The following CTNNBIP1 variants were observed in gnomAD, a reference collection of about 807,000 sequenced individuals.
CTNNBIP1 encodes beta-catenin-interacting protein 1.
A neutral mutation model predicts 11.8 loss-of-function variants in CTNNBIP1; 7 were observed. That is an observed-to-expected ratio of 0.60 (90% CI 0.34 to 1.12). The LOEUF (loss-of-function observed/expected upper bound fraction) is 1.12. CTNNBIP1 is among the 50% of genes most tolerant of loss of function. CTNNBIP1 has a pLI of 0.03. For missense variants in CTNNBIP1, 101 were observed against 113.4 expected, an observed-to-expected ratio of 0.89 and a Z score of 0.50; for synonymous variants, 58 against 43.9, an observed-to-expected ratio of 1.32 and a Z score of -1.26.
chr1:9,864,984 C>T (rs996275287), intron 5 of CTNNBIP1, among the ~76,000 whole-genome samples: 8 of 151,692 alleles, frequency 5.3e-5, no homozygotes, highest in Non-Finnish European at 1.0e-4. Flanking sequence ...ATCCCAGCAC[C>T]TTGGGAGGCC....
At chr1:9,886,769 C>T (rs998524053) in intron 1 of CTNNBIP1, among the ~76,000 whole-genome samples, 2 of 152,194 alleles carry the variant, frequency 1.3e-5, no homozygotes, top group African/African-American at 4.8e-5. Context: ...CCTGCCGCAG[C>T]TCCTGCTAGA....
intron 5 of CTNNBIP1, among the ~76,000 whole-genome samples, chr1:9,853,846 G>A (rs920057234): frequency 2.6e-5 from 4 of 152,178 alleles, no homozygotes; most frequent in Non-Finnish European, 5.9e-5. Flanking sequence ...TGAGAAAAGA[G>A]AACTACAGAT....
intron 5 of CTNNBIP1, among the ~76,000 whole-genome samples, chr1:9,860,864 C>T (rs1160077176): frequency 2.6e-5 from 4 of 152,144 alleles, no homozygotes; most frequent in Admixed American, 1.3e-4. Flanking sequence ...AAAAGTGGGG[C>T]GTGAAAATTC....
At chr1:9,857,907 A>T (rs1387483510) in intron 5 of CTNNBIP1, among the ~76,000 whole-genome samples, 1 of 152,184 alleles carries the variant, frequency 6.6e-6, no homozygotes, top group Admixed American at 6.5e-5. Context: ...CAGGTTGTGG[A>T]GCAATTGGAA....
rs1283146744 is a variant in CTNNBIP1, at chr1:9,849,830, C to G, written c.*888G>C. 7.2e-5 allele frequency: 11 copies of G among 152,226 alleles called. No homozygotes were observed. The highest frequency in any genetic ancestry group is 1.5e-4 in the Non-Finnish European group (10 of 68,076). The allele number at this position is 152,226 out of a possible 1,614,324, so 9.4% of individuals were successfully genotyped here. The stretch of plus-strand genomic sequence containing the variant: ...TCATGCAGGCAGTGCACATAAATCC[C>G]GCCTAACGGTTACCTCTAGGCCCTG... On this transcript the variant is annotated 3_prime_UTR_variant, in exon 6 of 6. Coordinates refer to ENST00000377263, the MANE Select transcript of CTNNBIP1 (RefSeq NM_020248.3).
chr1:9,882,269 G>A (rs1023667708), intron 2 of CTNNBIP1, among the ~76,000 whole-genome samples: 1 of 152,294 alleles, frequency 6.6e-6, no homozygotes, highest in South Asian at 2.1e-4. Flanking sequence ...TCTATTCTAC[G>A]GCAGGCATTG....
chr1:9,899,763 AAAAGAAAG>A (rs58501900), intron 1 of CTNNBIP1, among the ~76,000 whole-genome samples: 13 of 150,470 alleles, frequency 8.6e-5, no homozygotes, highest in East Asian at 3.9e-4. Flanking sequence ...GTCTCAAAAA[AAAAGAAAG>A]AAAGAAAGAA....
At chr1:9,876,841 TACATAC>T (rs1427555773) in intron 3 of CTNNBIP1, among the ~76,000 whole-genome samples, 42 of 97,388 alleles carry the variant, frequency 4.3e-4, no homozygotes, top group African/African-American at 1.9e-3. Context: ...ACTCCTGCTA[TACATAC>T]ACACACACAC....
At position 9,871,447 on chromosome 1, in the gene CTNNBIP1, C is replaced by T. The variant is rs142391529; in HGVS notation, c.97-170G>A. On this transcript the variant is annotated intron_variant, in intron 4 of 5. Coordinates refer to ENST00000377263, the MANE Select transcript of CTNNBIP1 (RefSeq NM_020248.3). The surrounding 1 kb of genome is among the most constrained non-coding windows in gnomAD (Gnocchi z 5.2). ...TTTCAGGGCCAGCCCACCCCACTCC[C>T]ACCCTCCTTAAACTTGGTCCAGGGG... Among the ~76,000 whole-genome samples, 3 of 152,176 alleles carry T rather than the reference C, an allele frequency of 2.0e-5. No individual in the cohort carries two copies. Among genetic ancestry groups the T allele is most frequent in the Middle Eastern group, 3.4e-3 (1 of 294 alleles).
At chr1:9,857,186 T>C (rs1638523007) in intron 5 of CTNNBIP1, among the ~76,000 whole-genome samples, 1 of 148,108 alleles carries the variant, frequency 6.8e-6, no homozygotes, top group African/African-American at 2.5e-5. Flanking sequence ...AACCCCAATT[T>C]AAAAAAATGG....
In CTNNBIP1 at chr1:9,871,528, G is replaced by A. The variant is rs747396767; in HGVS notation, c.97-251C>T. Among the ~76,000 whole-genome samples, 4 of 151,972 alleles carry A rather than the reference G, an allele frequency of 2.6e-5. No homozygotes were observed. Among genetic ancestry groups the A allele is most frequent in the East Asian group, 1.9e-4 (1 of 5,186 alleles). On this transcript the variant is annotated intron_variant, in intron 4 of 5. Transcript: ENST00000377263. The surrounding 1 kb of genome is among the most constrained non-coding windows in gnomAD (Gnocchi z 5.2). ...GAGATTAAGGTCTGTTCTAGTATAG[G>A]GCCAGTGGAAGACACAAGTCCTGCC... is the stretch of plus-strand genomic sequence containing the variant.
chr1:9,896,377 A>C (rs938203641), intron 1 of CTNNBIP1, among the ~76,000 whole-genome samples: 1 of 152,210 alleles, frequency 6.6e-6, no homozygotes, highest in African/African-American at 2.4e-5. Flanking sequence ...AGGCAAAGAA[A>C]ACAGTGCGAG....
chr1:9,897,454 AAAAAACAAAAAC>A (rs776131271), intron 1 of CTNNBIP1, among the ~76,000 whole-genome samples: 119 of 151,840 alleles, frequency 7.8e-4, no homozygotes, highest in Non-Finnish European at 1.4e-3. Flanking sequence ...ACTCCGTCTC[AAAAAACAAAAAC>A]AAAAACAAAA....
chr1:9,899,624 T>TGACG, intron 1 of CTNNBIP1, among the ~76,000 whole-genome samples: 1 of 151,168 alleles, frequency 6.6e-6, no homozygotes, highest in African/African-American at 2.4e-5. Flanking sequence ...CCGGGCATGG[T>TGACG]GACGCATGGC....
chr1:9,904,446 C>T (rs751725578), intron 1 of CTNNBIP1, among the ~76,000 whole-genome samples: 12 of 152,096 alleles, frequency 7.9e-5, no homozygotes, highest in Non-Finnish European at 4.4e-5. Flanking sequence ...TTTCTCTCAG[C>T]GCTCTGCTGA....
chr1:9,896,390 G>A (rs969173244), intron 1 of CTNNBIP1, among the ~76,000 whole-genome samples: 5 of 152,196 alleles, frequency 3.3e-5, no homozygotes, highest in African/African-American at 1.2e-4. Context: ...AGTGCGAGAA[G>A]AAAATATGAA....
chr1:9,882,268 C>T (rs1042296402), intron 2 of CTNNBIP1, among the ~76,000 whole-genome samples: 7 of 152,166 alleles, frequency 4.6e-5, no homozygotes, highest in Non-Finnish European at 8.8e-5. Context: ...ATCTATTCTA[C>T]GGCAGGCATT....
intron 5 of CTNNBIP1, among the ~76,000 whole-genome samples, chr1:9,855,670 A>C (rs773466715): frequency 9.2e-5 from 14 of 152,214 alleles, no homozygotes; most frequent in Non-Finnish European, 1.9e-4. Context: ...TAAAGTTATA[A>C]AAATCTTGGA....
chr1:9,850,883 G>T, intron 5 of CTNNBIP1, 107 bp from the exon 6 acceptor site: 3 of 1,014,150 alleles, frequency 3.0e-6, no homozygotes, highest in Non-Finnish European at 4.7e-6. Context: ...CACCAGGATC[G>T]CGGCACTCTC....
Sources: allele counts gnomAD v4.1 joint callset (sites outside exome capture counted in the v4.1 genomes callset), GRCh38; gene constraint gnomAD v4.1.1; non-coding constraint Gnocchi (gnomAD v3.1); transcripts MANE v1.5; gene names NCBI Gene and HGNC (gene_info 2026-07-23, HGNC 2026-07-21).